ARB2A: variants seen among roughly 807,000 people sequenced by gnomAD.
ARB2A encodes ARB2 cotranscriptional regulator A.
At chr5:93,728,643 G>A in the ARB2A span, among the ~76,000 whole-genome samples, 33 of 151,988 alleles carry the variant, frequency 2.2e-4, 1 homozygote, top group South Asian at 6.4e-3. Flanking sequence ...CTGATCCATG[G>A]TGCCAAGGCA....
chr5:93,908,051 C>T, the ARB2A span, among the ~76,000 whole-genome samples: 1 of 151,066 alleles, frequency 6.6e-6, no homozygotes, highest in Non-Finnish European at 1.5e-5. Flanking sequence ...AGTTAAAATG[C>T]ATTATCATAT....
At chr5:93,753,996 G>A in the ARB2A span, among the ~76,000 whole-genome samples, 4 of 152,178 alleles carry the variant, frequency 2.6e-5, no homozygotes, top group African/African-American at 4.8e-5. Context: ...ATGTAGGGTA[G>A]CAAAACTCTG....
At chr5:94,106,899 C>T in the ARB2A span, among the ~76,000 whole-genome samples, 1 of 132,232 alleles carries the variant, frequency 7.6e-6, no homozygotes, top group Non-Finnish European at 1.6e-5. Flanking sequence ...AAAACAAATA[C>T]CACATGTTCT....
chr5:93,631,589 C>A, the ARB2A span, among the ~76,000 whole-genome samples: 1 of 152,186 alleles, frequency 6.6e-6, no homozygotes, highest in Admixed American at 6.5e-5. Flanking sequence ...TCCCTAAGAA[C>A]AAGTTTCTGA....
chr5:94,068,899 G>C, the ARB2A span, among the ~76,000 whole-genome samples: 2 of 151,252 alleles, frequency 1.3e-5, no homozygotes, highest in Admixed American at 1.3e-4. Context: ...GCCAGGTGTG[G>C]TGGTGGGCAC....
chr5:93,642,032 G>T, the ARB2A span, among the ~76,000 whole-genome samples: 3 of 152,068 alleles, frequency 2.0e-5, no homozygotes, highest in Non-Finnish European at 4.4e-5. Flanking sequence ...ACTTGGGCTG[G>T]ATTGCAGTGG....
chr5:93,707,824 C>G, the ARB2A span, among the ~76,000 whole-genome samples: 1 of 152,168 alleles, frequency 6.6e-6, no homozygotes, highest in South Asian at 2.1e-4. Context: ...ATCCACCCGC[C>G]TTGGCCTCCC....
chr5:94,102,895 A>G, the ARB2A span, among the ~76,000 whole-genome samples: 1 of 152,170 alleles, frequency 6.6e-6, no homozygotes, highest in Non-Finnish European at 1.5e-5. Flanking sequence ...ATTCTAACCA[A>G]GAATTTCATA....
the ARB2A span, among the ~76,000 whole-genome samples, chr5:93,849,748 C>T: frequency 6.6e-6 from 1 of 151,936 alleles, no homozygotes; most frequent in Non-Finnish European, 1.5e-5. Flanking sequence ...CTTCCTATTG[C>T]TATGAATCTG....
At chr5:94,053,150 C>T in the ARB2A span, 4 of 1,594,482 alleles carry the variant, frequency 2.5e-6, no homozygotes, top group Non-Finnish European at 3.4e-6. Flanking sequence ...TATTCAAATC[C>T]TTCCAGGGTA....
the ARB2A span, among the ~76,000 whole-genome samples, chr5:94,028,015 A>G: frequency 3.9e-5 from 6 of 152,312 alleles, no homozygotes; most frequent in African/African-American, 1.4e-4. Context: ...AGAAAGAAAC[A>G]CCCACACATG....
the ARB2A span, among the ~76,000 whole-genome samples, chr5:93,731,840 T>G: frequency 5.3e-5 from 8 of 152,338 alleles, no homozygotes; most frequent in Middle Eastern, 3.4e-3. Flanking sequence ...AAAAGAATAT[T>G]GATTTTTAAA....
At chr5:93,874,149 G>C in the ARB2A span, among the ~76,000 whole-genome samples, 1 of 152,102 alleles carries the variant, frequency 6.6e-6, no homozygotes, top group Non-Finnish European at 1.5e-5. Flanking sequence ...TAGCACTGAG[G>C]TATTATTTTG....
the ARB2A span, among the ~76,000 whole-genome samples, chr5:93,895,507 A>G: frequency 1.3e-5 from 2 of 152,202 alleles, no homozygotes; most frequent in African/African-American, 2.4e-5. Context: ...CTCCAAAGGC[A>G]TAACATTTGT....
chr5:93,846,286 C>T, the ARB2A span, among the ~76,000 whole-genome samples: 2 of 151,864 alleles, frequency 1.3e-5, no homozygotes, highest in South Asian at 2.1e-4. Context: ...GGAGGATCAC[C>T]TGAGCCCAGG....
At chr5:93,951,068 C>A in the ARB2A span, among the ~76,000 whole-genome samples, 1 of 152,050 alleles carries the variant, frequency 6.6e-6, no homozygotes, top group Admixed American at 6.5e-5. Flanking sequence ...ATTTGCATTT[C>A]TCTGATGATC....
the ARB2A span, among the ~76,000 whole-genome samples, chr5:94,044,925 T>C: frequency 2.6e-5 from 4 of 151,522 alleles, no homozygotes; most frequent in Non-Finnish European, 5.9e-5. Flanking sequence ...GGAGACCAGA[T>C]TGGCCAACAT....
At chr5:93,895,328 G>A in the ARB2A span, among the ~76,000 whole-genome samples, 1 of 152,208 alleles carries the variant, frequency 6.6e-6, no homozygotes, top group African/African-American at 2.4e-5. Context: ...ATCAATAGAA[G>A]GGTAAAATAA....
At chr5:93,967,673 A>G in the ARB2A span, among the ~76,000 whole-genome samples, 2 of 152,154 alleles carry the variant, frequency 1.3e-5, no homozygotes, top group Non-Finnish European at 2.9e-5. Context: ...TGAAGACTAC[A>G]TAAAAACTCT....
Sources: gnomAD v4.1 joint callset for allele counts (sites outside exome capture counted in the v4.1 genomes callset) on GRCh38, gnomAD v4.1.1 for gene constraint, MANE v1.5 for transcripts, NCBI Gene and HGNC (gene_info 2026-07-23, HGNC 2026-07-21) for gene names.